The following TMPRSS15 variants were observed in gnomAD, a reference collection of about 807,000 sequenced individuals.
The protein encoded by TMPRSS15 is transmembrane serine protease 15, also known as enteropeptidase.
In TMPRSS15, 128 loss-of-function variants were observed where a neutral mutation model predicts 125.3. The observed-to-expected ratio is 1.02, with a 90% CI of 0.89 to 1.18. The LOEUF (loss-of-function observed/expected upper bound fraction) is 1.18. TMPRSS15 is among the 50% of genes most tolerant of loss of function. The pLI is 0.00. For missense variants in TMPRSS15, 1,283 were observed against 1,212.7 expected (o/e 1.06, Z -0.86); for synonymous variants, 446 against 423.2 (o/e 1.05, Z -0.66).
intron 1 of TMPRSS15, among the ~76,000 whole-genome samples, chr21:18,467,717 G>A (rs576212401): frequency 6.6e-6 from 1 of 152,146 alleles, no homozygotes; most frequent in South Asian, 2.1e-4. Context: ...AAAGAGGAAG[G>A]TGGGGCCCAA....
intron 3 of TMPRSS15, among the ~76,000 whole-genome samples, chr21:18,390,818 T>C (rs1194140219): frequency 3.9e-5 from 6 of 152,268 alleles, no homozygotes; most frequent in Admixed American, 1.3e-4. Context: ...AAGAAATACC[T>C]GAGACTGGGT....
At chr21:18,314,444 A>G (rs1425559495) in intron 17 of TMPRSS15, among the ~76,000 whole-genome samples, 1 of 151,922 alleles carries the variant, frequency 6.6e-6, no homozygotes, top group Non-Finnish European at 1.5e-5. Context: ...ACGCCTGGCA[A>G]ATTTCGTATT....
chr21:18,310,474 A>C (rs964010989), intron 18 of TMPRSS15, among the ~76,000 whole-genome samples: 1 of 152,038 alleles, frequency 6.6e-6, no homozygotes, highest in Non-Finnish European at 1.5e-5. Flanking sequence ...ACAAAAAAAA[A>C]CAAACACCTA....
At chr21:18,406,332 C>A (rs2076151896), upstream of TMPRSS15, among the ~76,000 whole-genome samples, 2 of 152,172 alleles carry the variant, frequency 1.3e-5, no homozygotes, top group Admixed American at 6.6e-5. Flanking sequence ...AAGTCTGGCA[C>A]TTCGAGTTAC....
At chr21:18,450,942 A>G (rs1410026294) in intron 1 of TMPRSS15, among the ~76,000 whole-genome samples, 4 of 152,216 alleles carry the variant, frequency 2.6e-5, no homozygotes, top group African/African-American at 9.6e-5. Flanking sequence ...TACATTCTTC[A>G]GTTGTGTATG....
chr21:18,332,245 C>A, intron 13 of TMPRSS15, 72 bp from the exon 14 acceptor site: 3 of 1,324,228 alleles, frequency 2.3e-6, no homozygotes, highest in South Asian at 1.2e-5. Context: ...CATATGCCAG[C>A]GAATTTTCAA....
intron 1 of TMPRSS15, among the ~76,000 whole-genome samples, chr21:18,409,179 A>G (rs558890005): frequency 2.6e-5 from 4 of 152,086 alleles, no homozygotes; most frequent in Admixed American, 6.6e-5. Flanking sequence ...GCCACTGAAC[A>G]TAATTGTGCC....
intron 1 of TMPRSS15, among the ~76,000 whole-genome samples, chr21:18,399,217 C>T (rs192990787): frequency 3.9e-5 from 6 of 151,934 alleles, no homozygotes; most frequent in Non-Finnish European, 5.9e-5. Flanking sequence ...GAGTTTAGAA[C>T]GATTAAGAAA....
chr21:18,422,324 A>G (rs1255160807), intron 1 of TMPRSS15, among the ~76,000 whole-genome samples: 2 of 152,084 alleles, frequency 1.3e-5, no homozygotes, highest in East Asian at 3.9e-4. Flanking sequence ...AATAAATGGA[A>G]GGTGAAACCT....
At chr21:18,433,529 G>GA (rs997101363) in intron 1 of TMPRSS15, among the ~76,000 whole-genome samples, 5 of 151,574 alleles carry the variant, frequency 3.3e-5, no homozygotes, top group Admixed American at 3.3e-4. Context: ...CCTGTCTCTA[G>GA]AAAAAATACA....
upstream of TMPRSS15, among the ~76,000 whole-genome samples, chr21:18,408,553 C>T (rs2076158181): frequency 6.6e-6 from 1 of 152,106 alleles, no homozygotes. Flanking sequence ...AAGAAATACA[C>T]ATTTGCTTTT....
chr21:18,458,071 CT>C (rs1200603886), intron 1 of TMPRSS15, among the ~76,000 whole-genome samples: 1 of 152,132 alleles, frequency 6.6e-6, no homozygotes, highest in African/African-American at 2.4e-5. Flanking sequence ...CCATTTCCTT[CT>C]TTGTCCACTA....
At chr21:18,421,222 T>C (rs866864936) in intron 1 of TMPRSS15, among the ~76,000 whole-genome samples, 1 of 152,178 alleles carries the variant, frequency 6.6e-6, no homozygotes, top group Non-Finnish European at 1.5e-5. Flanking sequence ...CTTCAAATAT[T>C]ATGGAAGAAT....
At chr21:18,438,627 C>T (rs1412695533) in intron 1 of TMPRSS15, among the ~76,000 whole-genome samples, 1 of 152,144 alleles carries the variant, frequency 6.6e-6, no homozygotes, top group Non-Finnish European at 1.5e-5. Flanking sequence ...CTCTCTATCA[C>T]AAATACCGTC....
chr21:18,460,123 T>C (rs1978524420), intron 1 of TMPRSS15, among the ~76,000 whole-genome samples: 1 of 152,180 alleles, frequency 6.6e-6, no homozygotes, highest in Non-Finnish European at 1.5e-5. Context: ...TTTTGCCACT[T>C]TCCTGTATTT....
At chr21:18,321,262 A>T (rs920224153) in intron 16 of TMPRSS15, among the ~76,000 whole-genome samples, 1 of 152,092 alleles carries the variant, frequency 6.6e-6, no homozygotes, top group African/African-American at 2.4e-5. Context: ...TACACTATAC[A>T]ATTGTGTTAA....
At chr21:18,294,904 T>G (rs2074884165) in intron 19 of TMPRSS15, among the ~76,000 whole-genome samples, 3 of 152,330 alleles carry the variant, frequency 2.0e-5, no homozygotes, top group South Asian at 2.1e-4. Flanking sequence ...ACCCAGTTTC[T>G]TCTTCCATAA....
At chr21:18,456,176 C>T (rs1978436962) in intron 1 of TMPRSS15, among the ~76,000 whole-genome samples, 1 of 152,106 alleles carries the variant, frequency 6.6e-6, no homozygotes, top group Non-Finnish European at 1.5e-5. Context: ...AAGGTGCCCA[C>T]AAGGCAGGAA....
At chr21:18,475,500 G>A (rs1283385869) in intron 1 of TMPRSS15, among the ~76,000 whole-genome samples, 1 of 152,132 alleles carries the variant, frequency 6.6e-6, no homozygotes, top group Non-Finnish European at 1.5e-5. Context: ...TCCGAGGTGG[G>A]AGGATCACTT....
Sources: allele counts gnomAD v4.1 joint callset (sites outside exome capture counted in the v4.1 genomes callset), GRCh38; gene constraint gnomAD v4.1.1; transcripts MANE v1.5; gene names NCBI Gene and HGNC (gene_info 2026-07-23, HGNC 2026-07-21).